The following TMTC3 variants were observed in gnomAD, a reference collection of about 807,000 sequenced individuals.
TMTC3 encodes protein O-mannosyl-transferase TMTC3.
Under a neutral mutation model 92.2 loss-of-function variants are expected in TMTC3, and 52 were observed. That is an observed-to-expected ratio of 0.56 (90% CI 0.45 to 0.71). TMTC3 has a LOEUF of 0.71. Among genes scored for constraint, TMTC3 ranks in the 30% least tolerant of loss-of-function variants. The probability of loss-of-function intolerance (pLI) is 0.00; values close to 1 mark genes in which losing one functional copy is unlikely to be tolerated. For synonymous variants in TMTC3, 339 were observed against 363.3 expected, an observed-to-expected ratio of 0.93 and a Z score of 0.76; for missense variants, 896 against 1,057.1, an observed-to-expected ratio of 0.85 and a Z score of 2.11.
chr12:88,181,739 C>T (rs1592745066), intron 10 of TMTC3, among the ~76,000 whole-genome samples: 1 of 151,758 alleles, frequency 6.6e-6, no homozygotes, highest in Non-Finnish European at 1.5e-5. Context: ...ATAAGCTGAG[C>T]AGAAAAGGTC....
intron 13 of TMTC3, among the ~76,000 whole-genome samples, chr12:88,193,573 T>A (rs2041468062): frequency 6.6e-6 from 1 of 152,196 alleles, no homozygotes; most frequent in Admixed American, 6.5e-5. Flanking sequence ...CCTTTGAGTT[T>A]GCATTTGCCA....
intron 1 of TMTC3, among the ~76,000 whole-genome samples, chr12:88,143,828 G>C (rs1476430916): frequency 6.6e-6 from 1 of 152,120 alleles, no homozygotes; most frequent in Non-Finnish European, 1.5e-5. Flanking sequence ...GTAGACTAAG[G>C]ATTGTTATAG....
At chr12:88,186,702 A>G (rs2041381688) in intron 10 of TMTC3, among the ~76,000 whole-genome samples, 1 of 152,164 alleles carries the variant, frequency 6.6e-6, no homozygotes, top group African/African-American at 2.4e-5. Context: ...TTATCTTAAA[A>G]GTGATACTAT....
chr12:88,197,692 C>A lies in TMTC3; in HGVS notation c.*2043C>A, dbSNP rs529307145. On this transcript the variant is annotated 3_prime_UTR_variant, in exon 14 of 14. Coordinates refer to ENST00000266712, the MANE Select transcript of TMTC3 (RefSeq NM_181783.4). ...AAATTACCTTATTATTAGAACTGTGCCTATTACATAAAAAGTGCTCATGTA... is the reference window on the plus strand; with the variant it reads ...AAATTACCTTATTATTAGAACTGTGACTATTACATAAAAAGTGCTCATGTA... The A allele has an allele frequency of 6.6e-6, 1 of 151,788 alleles. No homozygotes were observed. Among genetic ancestry groups the A allele is most frequent in the Non-Finnish European group, 1.5e-5 (1 of 67,810 alleles). The allele number at this position is 151,788 out of a possible 1,614,324, so 9.4% of individuals were successfully genotyped here. A position where few individuals can be genotyped will look rare whatever the true frequency, so the allele number is the denominator to read the frequency against.
At chr12:88,154,171 T>C in intron 3 of TMTC3, 117 bp from the exon 4 acceptor site, 1 of 717,786 alleles carries the variant, frequency 1.4e-6, no homozygotes, top group Non-Finnish European at 2.2e-6. Context: ...AAAGAATGTT[T>C]AAGAAACAAA....
Position 88,195,502 on chromosome 12 carries a change from T to C in TMTC3, c.2598T>C (p.Ser866=). The change falls in exon 14 of 14, where the codon AGT becomes AGC. Residue 866 remains serine (S), a synonymous_variant. Coordinates refer to ENST00000266712, the MANE Select transcript of TMTC3 (RefSeq NM_181783.4). The part of the protein sequence containing the change: ...TQIVKTSDNK[S]QSKSNKQLGK... Reference sequence around the variant, plus strand: ...TAGTAAAAACAAGTGATAATAAAAGTCAGTCTAAATCCAACAAACAATTAG... The same window carrying C: ...TAGTAAAAACAAGTGATAATAAAAGCCAGTCTAAATCCAACAAACAATTAG... The C allele has an allele frequency of 1.2e-6, 2 of 1,612,974 alleles. No homozygotes were observed. The highest frequency in any genetic ancestry group is 1.7e-6 in the Non-Finnish European group (2 of 1,179,640).
At position 88,176,060 on chromosome 12, in the gene TMTC3, T is replaced by C. The variant is rs1592740827; in HGVS notation, c.1321-148T>C. 7.5e-6 allele frequency: 4 copies of C among 533,080 alleles called. No homozygotes were observed. In the East Asian group the frequency reaches 1.3e-4, roughly 17 times the overall value. The allele number at this position is 533,080 out of a possible 1,614,324, so 33.0% of individuals were successfully genotyped here. ...TCAGGTTCAGGGAGAGTAAATTTGG[T>C]GAAGCAGTCTTTATTTGACTCCTGT... On this transcript the variant is annotated intron_variant, in intron 9 of 13. Coordinates refer to ENST00000266712, the MANE Select transcript of TMTC3 (RefSeq NM_181783.4).
chr12:88,148,441 G>GTAGA lies in TMTC3; in HGVS notation c.126_127insTAGA (p.His43Ter). The GTAGA allele has an allele frequency of 6.2e-7, 1 of 1,613,134 alleles. No homozygotes were observed. Among genetic ancestry groups the GTAGA allele is most frequent in the African/African-American group, 1.3e-5 (1 of 74,860 alleles). On this transcript the variant is annotated stop_gained and frameshift_variant, in exon 2 of 14. Coordinates refer to ENST00000266712, the MANE Select transcript of TMTC3 (RefSeq NM_181783.4). LOFTEE classifies it high-confidence loss of function. ...CAGCAATACTGGATAACAAAGACTT[G>GTAGA]CATCCATCTACACCTTTAAAAACTT...
chr12:88,189,027 ATCTTT>A lies in TMTC3; in HGVS notation c.1536+86_1536+90del, dbSNP rs771115390. 4.7e-4 allele frequency: 360 copies of A among 768,604 alleles called. 1 individual carries two copies. Among genetic ancestry groups the A allele is most frequent in the South Asian group, 4.2e-4 (25 of 58,992 alleles). 47.6% of individuals were successfully genotyped at this position (768,604 alleles called of 1,614,324 possible). ...AGAATTATCTAGAAGGAAAATCTTTATCTTTTCTTCAGTTAGTTGATATAAAAGTA... is the reference window on the plus strand; with the variant it reads ...AGAATTATCTAGAAGGAAAATCTTTATCTTCAGTTAGTTGATATAAAAGTA... On this transcript the variant is annotated intron_variant, in intron 11 of 13. Transcript: ENST00000266712.
Position 88,148,303 on chromosome 12 carries a change from G to C in TMTC3, c.-13G>C. 1 of 1,589,942 alleles carries C rather than the reference G, an allele frequency of 6.3e-7. No individual in the cohort carries two copies. Among genetic ancestry groups the C allele is most frequent in the Non-Finnish European group, 8.6e-7 (1 of 1,167,820 alleles). ...TTTTTTCCAGTTTTTGTCCAGAAGT[G>C]CTTATAGAAAAGATGGCTAATATTA... is the stretch of plus-strand genomic sequence containing the variant. On this transcript the variant is annotated 5_prime_UTR_variant, in exon 2 of 14. Transcript: ENST00000266712.
intron 6 of TMTC3, among the ~76,000 whole-genome samples, chr12:88,165,434 T>G (rs2041132782): frequency 6.6e-6 from 1 of 152,080 alleles, no homozygotes; most frequent in African/African-American, 2.4e-5. Context: ...ATGTAAGTTG[T>G]GAGATTCCGT....
chr12:88,171,562 A>G (rs1163004510), intron 7 of TMTC3, among the ~76,000 whole-genome samples: 3 of 152,182 alleles, frequency 2.0e-5, no homozygotes, highest in African/African-American at 4.8e-5. Flanking sequence ...ATAGTATTCT[A>G]AAGTGTATAT....
At chr12:88,183,943 C>T (rs1370447831) in intron 10 of TMTC3, among the ~76,000 whole-genome samples, 1 of 152,128 alleles carries the variant, frequency 6.6e-6, no homozygotes, top group Admixed American at 6.5e-5. Context: ...AAATCCCAAG[C>T]GGGCACCAAT....
intron 7 of TMTC3, among the ~76,000 whole-genome samples, chr12:88,166,998 T>G (rs1483920566): frequency 1.3e-5 from 2 of 151,874 alleles, no homozygotes; most frequent in East Asian, 1.9e-4. Context: ...AACAGTTTTT[T>G]TTTTTTTTTT....
In TMTC3 at chr12:88,166,661, G is replaced by A. The variant is rs2041147059; in HGVS notation, c.1050+79G>A. On this transcript the variant is annotated intron_variant, in intron 7 of 13. Transcript: ENST00000266712. The stretch of plus-strand genomic sequence containing the variant: ...AGAAACTACCTTTAATTCAGCAAAA[G>A]CATCTTTTTAGAAGCACTCCTTTCT... 2.8e-6 allele frequency: 4 copies of A among 1,454,338 alleles called. No homozygotes were observed. In the Admixed American group the frequency reaches 9.9e-5, roughly 36 times the overall value. The allele number at this position is 1,454,338 out of a possible 1,614,324, so 90.1% of individuals were successfully genotyped here.
rs188841254 is a variant in TMTC3 at position 88,192,854 on chromosome 12, G to A, written c.1933+24G>A. The A allele has an allele frequency of 2.8e-3, 4,369 of 1,574,070 alleles. 11 individuals are homozygous for A. Among genetic ancestry groups the A allele is most frequent in the Non-Finnish European group, 3.3e-3 (3,879 of 1,158,090 alleles). On this transcript the variant is annotated intron_variant, in intron 13 of 13. Transcript: ENST00000266712. Reference sequence around the variant, plus strand: ...AGGTATGTTTTCTCAAAATATTTCTGTTTATATAAATTGTAGTTTATAATA... The same window carrying A: ...AGGTATGTTTTCTCAAAATATTTCTATTTATATAAATTGTAGTTTATAATA...
chr12:88,160,517 G>A (rs1305827155), intron 5 of TMTC3, among the ~76,000 whole-genome samples, 162 bp from the exon 6 acceptor site: 5 of 152,054 alleles, frequency 3.3e-5, no homozygotes, highest in Non-Finnish European at 5.9e-5. Context: ...TATTAGGTAA[G>A]ACTGTTGAGC....
At chr12:88,176,392 G>T (rs913765553) in intron 10 of TMTC3, 73 bp downstream of exon 10, 2 of 1,130,140 alleles carry the variant, frequency 1.8e-6, no homozygotes, top group Non-Finnish European at 2.5e-6. Flanking sequence ...GGGGAAATAA[G>T]GTAGTTTATT....
rs2041512680 is a variant in TMTC3, at chr12:88,196,400, A to G, written c.*751A>G. The G allele has an allele frequency of 6.8e-6, 1 of 146,550 alleles. No homozygotes were observed. Among genetic ancestry groups the G allele is most frequent in the African/African-American group, 2.5e-5 (1 of 40,136 alleles). 9.1% of individuals were successfully genotyped at this position (146,550 alleles called of 1,614,324 possible). On this transcript the variant is annotated 3_prime_UTR_variant, in exon 14 of 14. Transcript: ENST00000266712. ...TCACAACATGAATCACATAATCATG[A>G]TTTTTTTTTTTTACTTTTACTCCCC...
Sources: allele counts gnomAD v4.1 joint callset (sites outside exome capture counted in the v4.1 genomes callset), GRCh38; gene constraint gnomAD v4.1.1; transcripts MANE v1.5; gene names NCBI Gene and HGNC (gene_info 2026-07-23, HGNC 2026-07-21).